The following PRKN variants were observed in gnomAD, a reference collection of about 807,000 sequenced individuals.
The protein encoded by PRKN is parkin RBR E3 ubiquitin protein ligase.
In PRKN, 56 loss-of-function variants were observed where a neutral mutation model predicts 59.5. That is an observed-to-expected ratio of 0.94 (90% confidence interval 0.76 to 1.18). PRKN has a LOEUF of 1.18. PRKN is among the 50% of genes most tolerant of loss of function. The pLI is 0.00. For synonymous variants in PRKN, 250 were observed against 222.1 expected (o/e 1.13, Z -1.12); for missense variants, 657 against 596.4 (o/e 1.10, Z -1.06).
intron 9 of PRKN, among the ~76,000 whole-genome samples, chr6:161,510,384 A>G (rs2115329868): frequency 6.6e-6 from 1 of 152,148 alleles, no homozygotes. Context: ...GGCATCGTGA[A>G]GTGTGACTGT....
intron 6 of PRKN, among the ~76,000 whole-genome samples, chr6:161,835,732 C>T (rs1278660390): frequency 2.6e-5 from 4 of 152,196 alleles, no homozygotes; most frequent in Non-Finnish European, 5.9e-5. Flanking sequence ...TATCAGCCGG[C>T]AGCACGTGCT....
intron 2 of PRKN, among the ~76,000 whole-genome samples, chr6:162,379,666 G>A (rs951986300): frequency 3.3e-5 from 5 of 152,172 alleles, no homozygotes; most frequent in Admixed American, 3.3e-4. Flanking sequence ...GGTCCTGAGA[G>A]CATGCATGTG....
At chr6:162,158,270 G>A (rs1782606246) in intron 4 of PRKN, among the ~76,000 whole-genome samples, 2 of 151,886 alleles carry the variant, frequency 1.3e-5, no homozygotes, top group Admixed American at 1.3e-4. Flanking sequence ...TTTCTCCTCA[G>A]GAAATGTTAC....
At chr6:162,081,334 A>C (rs182794839) in intron 4 of PRKN, among the ~76,000 whole-genome samples, 3 of 152,242 alleles carry the variant, frequency 2.0e-5, no homozygotes, top group Admixed American at 1.3e-4. Context: ...AGCATCATGA[A>C]ATTTTTTTAA....
intron 1 of PRKN, among the ~76,000 whole-genome samples, chr6:162,630,235 C>T (rs1358941117): frequency 6.6e-6 from 1 of 151,964 alleles, no homozygotes; most frequent in African/African-American, 2.4e-5. Context: ...TCTGAAAGGC[C>T]CTTTTAACTA....
chr6:161,749,930 C>T (rs1788605573), intron 7 of PRKN, among the ~76,000 whole-genome samples: 1 of 152,102 alleles, frequency 6.6e-6, no homozygotes, highest in Non-Finnish European at 1.5e-5. Context: ...TTGTAAAAGC[C>T]TACCATTTCC....
At chr6:162,495,470 A>C (rs186179106) in intron 1 of PRKN, among the ~76,000 whole-genome samples, 1 of 152,168 alleles carries the variant, frequency 6.6e-6, no homozygotes, top group African/African-American at 2.4e-5. Flanking sequence ...CCTGAATGCC[A>C]AGAGCTTGGG....
intron 3 of PRKN, among the ~76,000 whole-genome samples, chr6:162,211,381 A>G (rs971223949): frequency 1.3e-5 from 2 of 152,312 alleles, no homozygotes; most frequent in Admixed American, 6.5e-5. Context: ...ATTAAGTCTC[A>G]TTTTCAAAGA....
chr6:162,714,524 C>T (rs950789111), intron 1 of PRKN, among the ~76,000 whole-genome samples: 1 of 152,172 alleles, frequency 6.6e-6, no homozygotes, highest in African/African-American at 2.4e-5. Context: ...ATTATAAATA[C>T]CCCCTGACTT....
intron 7 of PRKN, among the ~76,000 whole-genome samples, chr6:161,622,120 T>C (rs1385092956): frequency 6.6e-6 from 1 of 152,118 alleles, no homozygotes; most frequent in East Asian, 1.9e-4. Context: ...GTCCTCATGG[T>C]GAGTGAGAGG....
Position 161,466,062 on chromosome 6 carries a change from TTGTGTGTG to T in PRKN, c.1084-79193_1084-79186del, listed in dbSNP as rs10546457. 6.6e-6 allele frequency among the ~76,000 whole-genome samples: 1 copy of T among 150,704 alleles called. No individual in the cohort carries two copies. Among genetic ancestry groups the T allele is most frequent in the Non-Finnish European group, 1.5e-5 (1 of 67,534 alleles). ...CTTCTATCACCACACATAGTTATCT[TTGTGTGTG>T]TGTGTGTGTGTGTCTGTGTGGGGAG... On this transcript the variant is annotated intron_variant, in intron 9 of 11. Transcript: ENST00000366898. The surrounding 1 kb of genome is among the most constrained non-coding windows in gnomAD (Gnocchi z 5.0).
rs1020624652 is a variant in PRKN at position 161,579,555 on chromosome 6, A to C, written c.872-10139T>G. Reference sequence around the variant, plus strand: ...TGTAAACTGGCCTTCCTTGTAGGGCATGTTCCTGAATAGGGCATATTCAGG... The same window carrying C: ...TGTAAACTGGCCTTCCTTGTAGGGCCTGTTCCTGAATAGGGCATATTCAGG... On this transcript the variant is annotated intron_variant, in intron 7 of 11. Transcript: ENST00000366898. The surrounding 1 kb of genome is among the most constrained non-coding windows in gnomAD (Gnocchi z 4.2). Among the ~76,000 whole-genome samples the C allele has an allele frequency of 6.6e-6, 1 of 152,212 alleles. No individual in the cohort carries two copies. The highest frequency in any genetic ancestry group is 6.5e-5 in the Admixed American group (1 of 15,280).
At chr6:162,404,309 GC>G (rs1231084118) in intron 2 of PRKN, among the ~76,000 whole-genome samples, 2 of 150,916 alleles carry the variant, frequency 1.3e-5, no homozygotes, top group African/African-American at 2.4e-5. Context: ...GGTGGAGGTT[GC>G]AGTGAGCCGA....
At position 161,529,118 on chromosome 6, in the gene PRKN, T is replaced by C. The variant is rs775355376; in HGVS notation, c.1083+19736A>G. ...AGATATACGAGCCACAACCACAGAC[T>C]CTACGCTGCGTTCCTCTCCCTAGTC... is the stretch of plus-strand genomic sequence containing the variant. On this transcript the variant is annotated intron_variant, in intron 9 of 11. Coordinates refer to ENST00000366898, the MANE Select transcript of PRKN (RefSeq NM_004562.3). The surrounding 1 kb of genome is among the most constrained non-coding windows in gnomAD (Gnocchi z 4.4). Among the ~76,000 whole-genome samples, 6 of 152,192 alleles carry C rather than the reference T, an allele frequency of 3.9e-5. No homozygotes were observed. Among genetic ancestry groups the C allele is most frequent in the African/African-American group, 7.2e-5 (3 of 41,454 alleles).
rs560029401 is a variant in PRKN at position 162,431,289 on chromosome 6, G to A, written c.171+12021C>T. On this transcript the variant is annotated intron_variant, in intron 2 of 11. Coordinates refer to ENST00000366898, the MANE Select transcript of PRKN (RefSeq NM_004562.3). ...GAATGCGGCAGAGAGAGATGACTTC[G>A]TAACCAACAGATACATATCATCAAT... Among the ~76,000 whole-genome samples the A allele has an allele frequency of 1.0e-4, 15 of 149,766 alleles. No individual in the cohort carries two copies. The South Asian group carries it at 2.6e-3, about 26-fold the overall frequency.
At chr6:161,924,357 C>G (rs534671877) in intron 6 of PRKN, among the ~76,000 whole-genome samples, 1 of 152,194 alleles carries the variant, frequency 6.6e-6, no homozygotes, top group African/African-American at 2.4e-5. Context: ...ATTAAAATGA[C>G]CTACTATAAT....
chr6:162,013,057 C>T (rs1031897377), intron 5 of PRKN, among the ~76,000 whole-genome samples: 4 of 151,948 alleles, frequency 2.6e-5, no homozygotes, highest in Non-Finnish European at 5.9e-5. Context: ...ATTGATAATC[C>T]CTGCTTGAAT....
intron 6 of PRKN, among the ~76,000 whole-genome samples, chr6:161,913,274 A>G (rs1307807690): frequency 6.6e-6 from 1 of 152,206 alleles, no homozygotes; most frequent in Non-Finnish European, 1.5e-5. Flanking sequence ...AACTGGGAAA[A>G]GACTAAGCAA....
chr6:162,166,916 T>A (rs1216104774), intron 4 of PRKN, among the ~76,000 whole-genome samples: 1 of 152,184 alleles, frequency 6.6e-6, no homozygotes, highest in Non-Finnish European at 1.5e-5. Context: ...TCAGCTTTGC[T>A]TTATTTTCCA....
Sources: gnomAD v4.1 joint callset for allele counts (sites outside exome capture counted in the v4.1 genomes callset) on GRCh38, gnomAD v4.1.1 for gene constraint, Gnocchi (gnomAD v3.1) non-coding constraint, MANE v1.5 for transcripts, NCBI Gene and HGNC (gene_info 2026-07-23, HGNC 2026-07-21) for gene names.